Variants in LINGO2 observed in about 807,000 individuals in gnomAD.
LINGO2 encodes leucine-rich repeat and immunoglobulin-like domain-containing nogo receptor-interacting protein 2.
In LINGO2, 14 loss-of-function variants were observed where a neutral mutation model predicts 30.6. The ratio of observed to expected loss-of-function variants is 0.46; its 90% CI spans 0.30 to 0.72. The LOEUF is 0.72. Among genes scored for constraint, LINGO2 ranks in the 30% least tolerant of loss-of-function variants. The probability of loss-of-function intolerance (pLI) is 0.07; values close to 1 mark genes in which losing one functional copy is unlikely to be tolerated. For synonymous variants in LINGO2, 317 were observed against 288.5 expected (o/e 1.10, Z -1.00); for missense variants, 729 against 751.7 (o/e 0.97, Z 0.35).
the LINGO2 span, among the ~76,000 whole-genome samples, chr9:28,797,380 A>AGAGAGAGC: frequency 6.9e-6 from 1 of 144,870 alleles, no homozygotes; most frequent in Non-Finnish European, 1.5e-5. Context: ...AGAGAGAGAG[A>AGAGAGAGC]GAGAGAGAGA....
chr9:28,424,805 G>C (rs1165810336), intron 2 of LINGO2, among the ~76,000 whole-genome samples: 2 of 152,084 alleles, frequency 1.3e-5, no homozygotes, highest in Non-Finnish European at 2.9e-5. Flanking sequence ...CCATATGTAA[G>C]AATCAAGATG....
the LINGO2 span, among the ~76,000 whole-genome samples, chr9:29,024,838 G>A: frequency 1.3e-5 from 2 of 152,094 alleles, no homozygotes; most frequent in Admixed American, 6.6e-5. Flanking sequence ...CAAAATGTGT[G>A]TTTCAATCTG....
At chr9:29,072,192 G>T in the LINGO2 span, among the ~76,000 whole-genome samples, 3 of 151,940 alleles carry the variant, frequency 2.0e-5, no homozygotes, top group African/African-American at 7.2e-5. Context: ...GGCTACATAA[G>T]TTAATAATTG....
At chr9:28,986,786 A>T in the LINGO2 span, among the ~76,000 whole-genome samples, 1 of 152,070 alleles carries the variant, frequency 6.6e-6, no homozygotes, top group Non-Finnish European at 1.5e-5. Flanking sequence ...AACCTAATTT[A>T]GAATAAAGTT....
chr9:28,965,136 C>T, the LINGO2 span, among the ~76,000 whole-genome samples: 29 of 151,802 alleles, frequency 1.9e-4, no homozygotes, highest in African/African-American at 6.0e-4. Flanking sequence ...ATCCTGATAA[C>T]GAACAGGTAG....
intron 1 of LINGO2, among the ~76,000 whole-genome samples, chr9:28,588,598 AAAACAAAC>A (rs5897309): frequency 9.3e-5 from 14 of 150,578 alleles, no homozygotes; most frequent in South Asian, 2.1e-4. Context: ...AGTTCAGGTT[AAAACAAAC>A]AAACAAACAA....
At chr9:28,877,035 T>A in the LINGO2 span, among the ~76,000 whole-genome samples, 1 of 152,162 alleles carries the variant, frequency 6.6e-6, no homozygotes. Context: ...GTTTTTTGGC[T>A]GCATAAATGT....
At chr9:28,268,976 G>T (rs901916464) in intron 4 of LINGO2, among the ~76,000 whole-genome samples, 6 of 152,020 alleles carry the variant, frequency 3.9e-5, no homozygotes, top group East Asian at 1.9e-4. Context: ...TCATACTGAA[G>T]AATTCACATT....
chr9:29,086,855 T>C, the LINGO2 span, among the ~76,000 whole-genome samples: 6 of 152,186 alleles, frequency 3.9e-5, no homozygotes, highest in African/African-American at 1.4e-4. Flanking sequence ...AGCATTTACT[T>C]TGGGGAAGCT....
At chr9:28,048,750 GAAA>G (rs1824536530) in intron 4 of LINGO2, among the ~76,000 whole-genome samples, 1 of 150,366 alleles carries the variant, frequency 6.7e-6, no homozygotes. Context: ...ATTCAACCTA[GAAA>G]AATATGTAAT....
intron 1 of LINGO2, among the ~76,000 whole-genome samples, chr9:28,588,190 C>A (rs1587917307): frequency 6.6e-6 from 1 of 152,020 alleles, no homozygotes; most frequent in Admixed American, 6.6e-5. Context: ...CCCTCTGTTT[C>A]TAGCATGGTG....
chr9:29,008,280 T>G, the LINGO2 span, among the ~76,000 whole-genome samples: 1 of 152,202 alleles, frequency 6.6e-6, no homozygotes, highest in African/African-American at 2.4e-5. Context: ...GGCTGCACAG[T>G]ATTCCATGGT....
At chr9:29,005,722 C>T in the LINGO2 span, among the ~76,000 whole-genome samples, 3 of 151,924 alleles carry the variant, frequency 2.0e-5, no homozygotes, top group East Asian at 1.9e-4. Flanking sequence ...CGGCCCTTCA[C>T]GTATGCAGGT....
chr9:27,949,534 G>T, exon 6 of LINGO2: 2 of 1,613,962 alleles, frequency 1.2e-6, no homozygotes, highest in Non-Finnish European at 1.7e-6. Flanking sequence ...GCACACATAG[G>T]TTGCTGGCCA....
At chr9:28,033,332 C>T (rs1039030587) in intron 4 of LINGO2, among the ~76,000 whole-genome samples, 2 of 152,008 alleles carry the variant, frequency 1.3e-5, no homozygotes, top group Non-Finnish European at 2.9e-5. Context: ...CAGTACCCTC[C>T]GAAATGGGAG....
At chr9:28,203,366 A>T (rs1161519232) in intron 4 of LINGO2, among the ~76,000 whole-genome samples, 1 of 152,086 alleles carries the variant, frequency 6.6e-6, no homozygotes, top group African/African-American at 2.4e-5. Context: ...ATAAAGATGG[A>T]CTCCAACCAC....
At chr9:28,665,027 A>T (rs1828742316) in intron 1 of LINGO2, among the ~76,000 whole-genome samples, 1 of 124,478 alleles carries the variant, frequency 8.0e-6, no homozygotes, top group South Asian at 2.4e-4. Flanking sequence ...ATATATATAT[A>T]TATATATATA....
chr9:28,480,579 G>A (rs1825920693), intron 1 of LINGO2, among the ~76,000 whole-genome samples: 1 of 151,964 alleles, frequency 6.6e-6, no homozygotes, highest in Admixed American at 6.6e-5. Context: ...ATTAAAGGGG[G>A]AAACTATTGC....
chr9:28,371,604 A>G (rs13290500), intron 3 of LINGO2, among the ~76,000 whole-genome samples: 77,071 of 152,022 alleles, frequency 0.51, 20,950 homozygotes, highest in Non-Finnish European at 0.59. Flanking sequence ...TTTTGAGAGG[A>G]TAAAAACATT....
Sources: allele counts gnomAD v4.1 joint callset (sites outside exome capture counted in the v4.1 genomes callset), GRCh38; gene constraint gnomAD v4.1.1; transcripts MANE v1.5; gene names NCBI Gene and HGNC (gene_info 2026-07-23, HGNC 2026-07-21).